PRKAA2: variants seen among roughly 807,000 people sequenced by gnomAD.
PRKAA2 encodes the protein protein kinase AMP-activated catalytic subunit alpha 2.
In PRKAA2, 40 loss-of-function variants were observed where a neutral mutation model predicts 56.3. The observed-to-expected ratio is 0.71, with a 90% CI of 0.55 to 0.92. The LOEUF (loss-of-function observed/expected upper bound fraction) is 0.92, where lower values mean the gene tolerates loss of function less well. PRKAA2 is among the 40% of genes least tolerant of loss of function. PRKAA2 has a pLI of 0.00. For missense variants in PRKAA2, 542 were observed against 686.9 expected (o/e 0.79, Z 2.36); for synonymous variants, 214 against 234.2 (o/e 0.91, Z 0.79).
intron 1 of PRKAA2, among the ~76,000 whole-genome samples, chr1:56,667,213 A>G (rs1280921625): frequency 6.6e-6 from 1 of 152,154 alleles, no homozygotes; most frequent in African/African-American, 2.4e-5. Context: ...GCCAAAACTT[A>G]TCTATGCTCG....
At chr1:56,657,291 G>A (rs1306075961) in intron 1 of PRKAA2, among the ~76,000 whole-genome samples, 2 of 152,036 alleles carry the variant, frequency 1.3e-5, no homozygotes, top group East Asian at 3.9e-4. Context: ...TGAAAACAAG[G>A]AAAAAATGGA....
At chr1:56,703,145 G>T in intron 6 of PRKAA2, among the ~76,000 whole-genome samples, 1 of 152,176 alleles carries the variant, frequency 6.6e-6, no homozygotes, top group Middle Eastern at 3.4e-3. Flanking sequence ...AGGCCCAGAA[G>T]TGTGAGAAAA....
intron 1 of PRKAA2, among the ~76,000 whole-genome samples, chr1:56,653,982 A>G (rs543998667): frequency 2.2e-4 from 33 of 152,202 alleles, no homozygotes; most frequent in African/African-American, 7.2e-4. Flanking sequence ...GAAGGGGGAA[A>G]GTGTGGGCAG....
At chr1:56,675,429 G>A (rs1644106259) in intron 2 of PRKAA2, among the ~76,000 whole-genome samples, 1 of 151,870 alleles carries the variant, frequency 6.6e-6, no homozygotes. Flanking sequence ...AGTGTCTAAA[G>A]TAGGCTTACT....
At chr1:56,688,403 T>C (rs1173598867) in intron 2 of PRKAA2, among the ~76,000 whole-genome samples, 1 of 152,204 alleles carries the variant, frequency 6.6e-6, no homozygotes, top group Non-Finnish European at 1.5e-5. Flanking sequence ...TACATATTCA[T>C]TAATCAAATT....
chr1:56,676,566 A>G (rs1466305728), intron 2 of PRKAA2, among the ~76,000 whole-genome samples: 3 of 152,210 alleles, frequency 2.0e-5, no homozygotes, highest in Non-Finnish European at 4.4e-5. Context: ...TAAGATAAAG[A>G]ACTGTAAGAT....
chr1:56,683,771 G>A (rs1047219855), intron 2 of PRKAA2, among the ~76,000 whole-genome samples: 1 of 152,152 alleles, frequency 6.6e-6, no homozygotes, highest in Non-Finnish European at 1.5e-5. Flanking sequence ...AGAAATTCCT[G>A]CAGGTCAGAG....
intron 3 of PRKAA2, 132 bp downstream of exon 3, chr1:56,691,619 G>A (rs1644228929): frequency 4.1e-6 from 2 of 488,568 alleles, no homozygotes; most frequent in Non-Finnish European, 6.7e-6. Context: ...AACATGTAGA[G>A]TGTTAGATAA....
chr1:56,703,497 G>A (rs896561301), intron 6 of PRKAA2, among the ~76,000 whole-genome samples: 1 of 152,000 alleles, frequency 6.6e-6, no homozygotes, highest in African/African-American at 2.4e-5. Context: ...TCTTCATTCA[G>A]TCTGTTGCAT....
At chr1:56,660,534 C>T (rs1260794518) in intron 1 of PRKAA2, among the ~76,000 whole-genome samples, 1 of 152,142 alleles carries the variant, frequency 6.6e-6, no homozygotes, top group Non-Finnish European at 1.5e-5. Flanking sequence ...CCCTCCTTAG[C>T]CTATCACTAC....
chr1:56,676,789 G>A (rs941974606), intron 2 of PRKAA2, among the ~76,000 whole-genome samples: 2 of 152,106 alleles, frequency 1.3e-5, no homozygotes, highest in Non-Finnish European at 2.9e-5. Flanking sequence ...GCATCTTACC[G>A]GCAGCAAGAG....
intron 1 of PRKAA2, among the ~76,000 whole-genome samples, chr1:56,652,256 C>T (rs1318891246): frequency 6.6e-6 from 1 of 152,014 alleles, no homozygotes; most frequent in African/African-American, 2.4e-5. Context: ...CGTAATACGC[C>T]CGCCTCAGCT....
At chr1:56,671,116 A>G (rs989224457) in intron 1 of PRKAA2, among the ~76,000 whole-genome samples, 5 of 152,224 alleles carry the variant, frequency 3.3e-5, no homozygotes, top group African/African-American at 1.2e-4. Context: ...AAAAGTTTAT[A>G]TCTGTAATAT....
At chr1:56,699,861 T>A (rs1644282594) in intron 6 of PRKAA2, among the ~76,000 whole-genome samples, 1 of 152,262 alleles carries the variant, frequency 6.6e-6, no homozygotes, top group South Asian at 2.1e-4. Flanking sequence ...TGTGGTCTTT[T>A]GTATCTGGCA....
At chr1:56,667,539 T>C (rs1644044887) in intron 1 of PRKAA2, among the ~76,000 whole-genome samples, 1 of 152,202 alleles carries the variant, frequency 6.6e-6, no homozygotes, top group Non-Finnish European at 1.5e-5. Context: ...GATTGCATTA[T>C]AGTATAATCA....
intron 2 of PRKAA2, among the ~76,000 whole-genome samples, chr1:56,683,250 A>G (rs1159394327): frequency 6.6e-6 from 1 of 152,138 alleles, no homozygotes; most frequent in Non-Finnish European, 1.5e-5. Context: ...CTAAGAATCC[A>G]TTAGACATGT....
At chr1:56,676,655 T>A (rs72668305) in intron 2 of PRKAA2, among the ~76,000 whole-genome samples, 3,473 of 152,294 alleles carry the variant, frequency 0.023, 84 homozygotes, top group East Asian at 0.11. Context: ...ATTCTTGAAA[T>A]CCTTAAATAA....
chr1:56,662,797 A>G (rs1445446857), intron 1 of PRKAA2, among the ~76,000 whole-genome samples: 2 of 151,338 alleles, frequency 1.3e-5, no homozygotes, highest in East Asian at 3.9e-4. Context: ...AGTCAGAAGG[A>G]GCCACATCAG....
intron 1 of PRKAA2, among the ~76,000 whole-genome samples, chr1:56,654,892 C>T (rs900345492): frequency 2.0e-5 from 3 of 151,768 alleles, no homozygotes; most frequent in Non-Finnish European, 2.9e-5. Context: ...TTTAATCTGC[C>T]ATTAGATCTT....
Sources: allele counts gnomAD v4.1 joint callset (sites outside exome capture counted in the v4.1 genomes callset), GRCh38; gene constraint gnomAD v4.1.1; transcripts MANE v1.5; gene names NCBI Gene and HGNC (gene_info 2026-07-23, HGNC 2026-07-21).